Variants in GRIK1 observed in about 807,000 individuals in gnomAD.
GRIK1 encodes the protein glutamate ionotropic receptor kainate type subunit 1, also known as glutamate receptor ionotropic, kainate 1.
Under a neutral mutation model 105.7 loss-of-function variants are expected in GRIK1, and 69 were observed. The ratio of observed to expected loss-of-function variants is 0.65; its 90% CI spans 0.54 to 0.80. The LOEUF (loss-of-function observed/expected upper bound fraction) is 0.80, where lower values mean the gene tolerates loss of function less well. Ranked by LOEUF, GRIK1 falls within the 30% of genes least tolerant of loss-of-function variation. GRIK1 has a pLI of 0.00. For missense variants in GRIK1, 1,109 were observed against 1,167.3 expected (o/e 0.95, Z 0.73); for synonymous variants, 438 against 431.3 (o/e 1.02, Z -0.19).
chr21:29,937,517 G>A (rs1221778914), intron 1 of GRIK1, among the ~76,000 whole-genome samples: 1 of 152,182 alleles, frequency 6.6e-6, no homozygotes, highest in Non-Finnish European at 1.5e-5. Context: ...TGATTGCTTG[G>A]AGCTTAGAAA....
intron 1 of GRIK1, among the ~76,000 whole-genome samples, chr21:29,850,304 A>T (rs2068264229): frequency 6.6e-6 from 1 of 151,746 alleles, no homozygotes; most frequent in African/African-American, 2.4e-5. Context: ...GCAGATGTAA[A>T]TTTTTTTTTG....
intron 1 of GRIK1, among the ~76,000 whole-genome samples, chr21:29,778,589 G>A (rs921913548): frequency 6.6e-6 from 1 of 152,086 alleles, no homozygotes; most frequent in Non-Finnish European, 1.5e-5. Flanking sequence ...ACTTAGGATG[G>A]AACAAATCCA....
At chr21:29,927,556 T>C (rs2071417863) in intron 1 of GRIK1, among the ~76,000 whole-genome samples, 1 of 150,366 alleles carries the variant, frequency 6.7e-6, no homozygotes, top group Non-Finnish European at 1.5e-5. Flanking sequence ...ACACTTATTA[T>C]ATTATATATT....
chr21:29,542,360 G>A (rs1030549924), intron 16 of GRIK1, among the ~76,000 whole-genome samples: 6 of 138,494 alleles, frequency 4.3e-5, no homozygotes, highest in Admixed American at 3.1e-4. Context: ...ATTTCTTGAA[G>A]CTTGTGTGAG....
Position 29,656,354 on chromosome 21 carries a change from C to CAAAAAAAAAAAAAAAAA in GRIK1, c.727-1508_727-1492dup, listed in dbSNP as rs3054331. Among the ~76,000 whole-genome samples the CAAAAAAAAAAAAAAAAA allele has an allele frequency of 9.8e-4, 50 of 51,148 alleles. 3 individuals are homozygous for CAAAAAAAAAAAAAAAAA. The highest frequency in any genetic ancestry group is 1.3e-3 in the African/African-American group (25 of 18,864). The allele number at this position is 51,148 out of a possible 152,430, so 33.6% of individuals were successfully genotyped here. The stretch of plus-strand genomic sequence containing the variant: ...CCAGCCTGGGGGCCAGAGCGAGACT[C>CAAAAAAAAAAAAAAAAA]AAAAAAAAAAAAAAAAAAAAAAAAA... On this transcript the variant is annotated intron_variant, in intron 4 of 17. Coordinates refer to ENST00000327783, the MANE Select transcript of GRIK1 (RefSeq NM_001330994.2).
chr21:29,561,718 G>A lies in GRIK1; in HGVS notation c.2262C>T (p.Ser754=), dbSNP rs532500333. The change falls in exon 15 of 18, where the codon TCC becomes TCT. Residue 754 remains serine (S), a synonymous_variant. Transcript: ENST00000327783. ...TCTGCGTCACATACTCAATGCTGGT[G>A]GACTCCATCAGCAGCGCGTAGTCTG... ...LTTDYALLME[S]TSIEYVTQRN... The A allele has an allele frequency of 3.7e-6, 6 of 1,613,950 alleles. No individual in the cohort carries two copies. The highest frequency in any genetic ancestry group is 2.2e-5 in the East Asian group (1 of 44,882).
intron 1 of GRIK1, among the ~76,000 whole-genome samples, chr21:29,877,775 G>T (rs1239310785): frequency 6.6e-6 from 1 of 152,164 alleles, no homozygotes; most frequent in Non-Finnish European, 1.5e-5. Flanking sequence ...TGAGAATCAT[G>T]AAATCAAGTG....
chr21:29,806,950 A>G (rs981893504), intron 1 of GRIK1, among the ~76,000 whole-genome samples: 1 of 152,208 alleles, frequency 6.6e-6, no homozygotes, highest in African/African-American at 2.4e-5. Flanking sequence ...ATGTGTTTTA[A>G]TATACTGAAC....
chr21:29,581,584 A>T (rs369647749), intron 12 of GRIK1, 41 bp from the exon 13 acceptor site: 6 of 1,174,916 alleles, frequency 5.1e-6, no homozygotes, highest in African/African-American at 3.0e-5. Context: ...TATCAGAGAA[A>T]CACACAGGAC....
rs181159490 is a variant in GRIK1, at chr21:29,782,832, T to C, written c.119-88769A>G. Among the ~76,000 whole-genome samples the C allele has an allele frequency of 1.5e-3, 234 of 152,330 alleles. 1 individual carries two copies. Among genetic ancestry groups the C allele is most frequent in the African/African-American group, 5.4e-3 (225 of 41,576 alleles). Reference sequence around the variant, plus strand: ...CTTCATTTTATCAACCCTTCAGTATTACACACGGAGGCTTGGTTTTGGTTT... The same window carrying C: ...CTTCATTTTATCAACCCTTCAGTATCACACACGGAGGCTTGGTTTTGGTTT... On this transcript the variant is annotated intron_variant, in intron 1 of 17. Coordinates refer to ENST00000327783, the MANE Select transcript of GRIK1 (RefSeq NM_001330994.2).
intron 7 of GRIK1, among the ~76,000 whole-genome samples, chr21:29,623,522 A>T (rs760804937): frequency 1.6e-4 from 25 of 152,166 alleles, no homozygotes; most frequent in Admixed American, 6.5e-4. Context: ...CCCAAGCTTA[A>T]CTTAGGTTGT....
chr21:29,846,991 T>C (rs1014007651), intron 1 of GRIK1, among the ~76,000 whole-genome samples: 8 of 152,204 alleles, frequency 5.3e-5, no homozygotes, highest in African/African-American at 1.7e-4. Flanking sequence ...TGGCATAAAA[T>C]TGTGAACTTG....
chr21:29,601,709 C>T (rs554012559), intron 7 of GRIK1, among the ~76,000 whole-genome samples: 1 of 152,332 alleles, frequency 6.6e-6, no homozygotes, highest in Non-Finnish European at 1.5e-5. Context: ...TTATACACCC[C>T]TCTGACCAGT....
chr21:29,906,957 C>T (rs1322700921), intron 1 of GRIK1, among the ~76,000 whole-genome samples: 1 of 151,360 alleles, frequency 6.6e-6, no homozygotes, highest in Non-Finnish European at 1.5e-5. Context: ...TTGGGGCTTT[C>T]GTGAAAAGTA....
intron 1 of GRIK1, among the ~76,000 whole-genome samples, chr21:29,906,014 T>C (rs2070627027): frequency 6.6e-6 from 1 of 151,996 alleles, no homozygotes; most frequent in South Asian, 2.1e-4. Flanking sequence ...TTTGGGGTGG[T>C]GTAATTTTTT....
chr21:29,809,681 G>C (rs917193462), intron 1 of GRIK1, among the ~76,000 whole-genome samples: 33 of 152,132 alleles, frequency 2.2e-4, no homozygotes, highest in African/African-American at 7.0e-4. Flanking sequence ...TTCACAACTT[G>C]ACTAATTGGT....
intron 1 of GRIK1, among the ~76,000 whole-genome samples, chr21:29,694,418 C>A (rs370054980): frequency 6.6e-6 from 1 of 152,024 alleles, no homozygotes; most frequent in South Asian, 2.1e-4. Context: ...GCCACCACAC[C>A]CGGCCAGTAA....
intron 8 of GRIK1, 67 bp downstream of exon 8, chr21:29,598,761 TGC>T: frequency 1.4e-6 from 1 of 703,358 alleles, no homozygotes; most frequent in Middle Eastern, 2.4e-4. Context: ...TACTTGTCTT[TGC>T]AATTTAGTAA....
intron 1 of GRIK1, among the ~76,000 whole-genome samples, chr21:29,923,482 A>G (rs1391681100): frequency 6.6e-6 from 1 of 152,236 alleles, no homozygotes; most frequent in Non-Finnish European, 1.5e-5. Flanking sequence ...TTTGAACTCA[A>G]AATAGAGAAG....
Sources: gnomAD v4.1 joint callset for allele counts (sites outside exome capture counted in the v4.1 genomes callset) on GRCh38, gnomAD v4.1.1 for gene constraint, MANE v1.5 for transcripts, NCBI Gene and HGNC (gene_info 2026-07-23, HGNC 2026-07-21) for gene names.